The following VANGL2 variants were observed in gnomAD, a reference collection of about 807,000 sequenced individuals.
VANGL2 encodes VANGL planar cell polarity protein 2, also known as vang-like protein 2.
Under a neutral mutation model 50.2 loss-of-function variants are expected in VANGL2, and 14 were observed. The observed-to-expected ratio is 0.28, with a 90% CI of 0.18 to 0.44. The LOEUF is 0.44. VANGL2 is among the 20% of genes least tolerant of loss of function. VANGL2 has a pLI of 1.00. For missense variants in VANGL2, 533 were observed against 701.5 expected (o/e 0.76, Z 2.71); for synonymous variants, 295 against 297.2 (o/e 0.99, Z 0.08).
At chr1:160,424,015 A>C in intron 6 of VANGL2, 37 bp from the exon 7 acceptor site, 1 of 1,608,330 alleles carries the variant, frequency 6.2e-7, no homozygotes, top group Non-Finnish European at 8.5e-7. Context: ...GGGGAAAGAG[A>C]GGTGGGCATC....
At chr1:160,415,459 C>T (rs1384735432) in intron 1 of VANGL2, among the ~76,000 whole-genome samples, 189 bp from the exon 2 acceptor site, 1 of 152,172 alleles carries the variant, frequency 6.6e-6, no homozygotes, top group Non-Finnish European at 1.5e-5. Flanking sequence ...CACAGCCTGG[C>T]AGGGCTCTTT....
intron 1 of VANGL2, among the ~76,000 whole-genome samples, chr1:160,408,400 C>A (rs1257329622): frequency 6.6e-6 from 1 of 152,192 alleles, no homozygotes; most frequent in African/African-American, 2.4e-5. Flanking sequence ...AGGGGCTTGG[C>A]TCTGGCTTCC....
rs1342093290 is a variant in VANGL2 at position 160,400,851 on chromosome 1, C to T, written c.-209C>T. The T allele has an allele frequency of 6.6e-6, 1 of 151,968 alleles. No homozygotes were observed. The highest frequency in any genetic ancestry group is 1.9e-4 in the East Asian group (1 of 5,162). 9.4% of individuals were successfully genotyped at this position (151,968 alleles called of 1,614,324 possible). ...GAGCGGGGCGCCCGCGGAGCCCACC[C>T]GGCAGTTCGCAGCGGCGGGTGAGTG... On this transcript the variant is annotated 5_prime_UTR_variant, in exon 1 of 8. Transcript: ENST00000368061.
chr1:160,401,359 G>T (rs1175540159), intron 1 of VANGL2, among the ~76,000 whole-genome samples: 1 of 152,062 alleles, frequency 6.6e-6, no homozygotes, highest in African/African-American at 2.4e-5. Context: ...AGTGGAGTCA[G>T]GGGGGCGGGT....
Position 160,428,560 on chromosome 1 carries a change from A to G in VANGL2, c.*3182A>G, listed in dbSNP as rs1651558674. 6.6e-6 allele frequency: 1 copy of G among 152,552 alleles called. No individual in the cohort carries two copies. The allele number at this position is 152,552 out of a possible 1,614,324, so 9.4% of individuals were successfully genotyped here. A position where few individuals can be genotyped will look rare whatever the true frequency, so the allele number is the denominator to read the frequency against. On this transcript the variant is annotated 3_prime_UTR_variant, in exon 8 of 8. Coordinates refer to ENST00000368061, the MANE Select transcript of VANGL2 (RefSeq NM_020335.3). ...TTTAATATATAAAAAGCTTGTTTCT[A>G]CAGTTTGCAGTGGATCTAAACATTA... is the stretch of plus-strand genomic sequence containing the variant.
Position 160,414,823 on chromosome 1 carries a change from G to A in VANGL2, c.-190-825G>A, listed in dbSNP as rs151162180. On this transcript the variant is annotated intron_variant, in intron 1 of 7. Coordinates refer to ENST00000368061, the MANE Select transcript of VANGL2 (RefSeq NM_020335.3). ...GGGGCTCCTATGAGGGGGTGGGGCC[G>A]GGCTCTGAAGAATGAGCAGGATTTG... Among the ~76,000 whole-genome samples the A allele has an allele frequency of 1.5e-3, 231 of 149,468 alleles. 1 individual carries two copies. In the East Asian group the frequency reaches 0.02, roughly 13 times the overall value.
intron 6 of VANGL2, among the ~76,000 whole-genome samples, chr1:160,423,163 C>T (rs1204694614): frequency 6.6e-6 from 1 of 152,200 alleles, no homozygotes; most frequent in East Asian, 1.9e-4. Flanking sequence ...GTCTCACCCT[C>T]CCAAAGTGCT....
In VANGL2 at chr1:160,416,269, T is replaced by C. The variant is rs1447873345; in HGVS notation, c.192+87T>C. 4 of 1,604,238 alleles carry C rather than the reference T, an allele frequency of 2.5e-6. No individual in the cohort carries two copies. In the Admixed American group the frequency reaches 6.7e-5, roughly 27 times the overall value. On this transcript the variant is annotated intron_variant, in intron 3 of 7. Transcript: ENST00000368061. ...AGGCTCCACGGAGTGGGGGAGGGCT[T>C]GGAAACCTGGTCTCAGACAGCCATC...
intron 1 of VANGL2, among the ~76,000 whole-genome samples, chr1:160,401,109 C>G (rs1650444039): frequency 6.6e-6 from 1 of 151,750 alleles, no homozygotes. Flanking sequence ...GGAAGGGGCT[C>G]GTGGGGAGGG....
rs1336109268 is a variant in VANGL2, at chr1:160,428,163, A to T, written c.*2785A>T. 6.6e-6 allele frequency: 1 copy of T among 152,524 alleles called. No homozygotes were observed. Among genetic ancestry groups the T allele is most frequent in the Non-Finnish European group, 1.5e-5 (1 of 68,038 alleles). The allele number at this position is 152,524 out of a possible 1,614,324, so 9.4% of individuals were successfully genotyped here. On this transcript the variant is annotated 3_prime_UTR_variant, in exon 8 of 8. Transcript: ENST00000368061. The stretch of plus-strand genomic sequence containing the variant: ...AAACCCTGATGATGTAACACCTGCG[A>T]TGAGACATCGGACTCTCCGGAACTT...
In VANGL2 at chr1:160,415,926, G is replaced by A; in HGVS notation, c.71+18G>A. 6.2e-7 allele frequency: 1 copy of A among 1,614,238 alleles called. No individual in the cohort carries two copies. The highest frequency in any genetic ancestry group is 8.5e-7 in the Non-Finnish European group (1 of 1,180,038). On this transcript the variant is annotated intron_variant, in intron 2 of 7. Transcript: ENST00000368061. ...AAGCACAGGTGGGCAGGCATGCAGG[G>A]TGACATGCGTGGCGGAGGGAGGGTT...
intron 1 of VANGL2, among the ~76,000 whole-genome samples, chr1:160,411,425 C>T (rs1650877050): frequency 6.6e-6 from 1 of 151,924 alleles, no homozygotes; most frequent in Non-Finnish European, 1.5e-5. Flanking sequence ...GAACGCTGCC[C>T]ACCCAGGGGA....
In VANGL2 at chr1:160,425,660, C is replaced by T. The variant is rs188923896; in HGVS notation, c.*282C>T. 4.4e-4 allele frequency: 169 copies of T among 382,088 alleles called. No homozygotes were observed. Among genetic ancestry groups the T allele is most frequent in the African/African-American group, 3.2e-3 (160 of 49,470 alleles). 23.7% of individuals were successfully genotyped at this position (382,088 alleles called of 1,614,324 possible). On this transcript the variant is annotated 3_prime_UTR_variant, in exon 8 of 8. Coordinates refer to ENST00000368061, the MANE Select transcript of VANGL2 (RefSeq NM_020335.3). Reference sequence around the variant, plus strand: ...CCCTGCAGGAATCAGTGCCTCTCTCCCTCTTCTTTCCCTAGTCTTTTCCCA... The same window carrying T: ...CCCTGCAGGAATCAGTGCCTCTCTCTCTCTTCTTTCCCTAGTCTTTTCCCA...
At chr1:160,420,946 G>A in intron 5 of VANGL2, 106 bp from the exon 6 acceptor site, 2 of 1,527,232 alleles carry the variant, frequency 1.3e-6, no homozygotes, top group Non-Finnish European at 1.8e-6. Context: ...TGGGTGGTGG[G>A]AACAGCTTCT....
intron 3 of VANGL2, among the ~76,000 whole-genome samples, chr1:160,416,522 G>A (rs574089928): frequency 6.6e-6 from 1 of 152,278 alleles, no homozygotes; most frequent in South Asian, 2.1e-4. Context: ...GGTGGTGGTG[G>A]TGGCTGGGCC....
At chr1:160,416,588 T>G (rs1651068742) in intron 3 of VANGL2, among the ~76,000 whole-genome samples, 1 of 152,138 alleles carries the variant, frequency 6.6e-6, no homozygotes, top group African/African-American at 2.4e-5. Context: ...GTGGGCACTC[T>G]GTGCCCTCTG....
chr1:160,408,136 G>C (rs1650747894), intron 1 of VANGL2, among the ~76,000 whole-genome samples: 1 of 151,954 alleles, frequency 6.6e-6, no homozygotes, highest in African/African-American at 2.4e-5. Flanking sequence ...GCTGTGTTGG[G>C]GGGCAGGTAC....
Position 160,427,449 on chromosome 1 carries a change from TAA to T in VANGL2, c.*2078_*2079del, listed in dbSNP as rs1021183661. 1 of 152,218 alleles carries T rather than the reference TAA, an allele frequency of 6.6e-6. No individual in the cohort carries two copies. The highest frequency in any genetic ancestry group is 2.1e-4 in the South Asian group (1 of 4,798). The allele number at this position is 152,218 out of a possible 1,614,324, so 9.4% of individuals were successfully genotyped here. A position where few individuals can be genotyped will look rare whatever the true frequency, so the allele number is the denominator to read the frequency against. On this transcript the variant is annotated 3_prime_UTR_variant, in exon 8 of 8. Coordinates refer to ENST00000368061, the MANE Select transcript of VANGL2 (RefSeq NM_020335.3). ...TGATTTTTTTTTCATTCCCCTTTCC[TAA>T]AAAAAATTTTTTGCCTCCAACTCTC...
chr1:160,420,821 C>A (rs1021566559), intron 5 of VANGL2, among the ~76,000 whole-genome samples: 6 of 152,206 alleles, frequency 3.9e-5, no homozygotes, highest in African/African-American at 1.4e-4. Context: ...GCTGCAGAAC[C>A]CCCTGCACTG....
Sources: allele counts gnomAD v4.1 joint callset (sites outside exome capture counted in the v4.1 genomes callset), GRCh38; gene constraint gnomAD v4.1.1; transcripts MANE v1.5; gene names NCBI Gene and HGNC (gene_info 2026-07-23, HGNC 2026-07-21).